SNTB2: variants seen among roughly 807,000 people sequenced by gnomAD.
The protein encoded by SNTB2 is beta-2-syntrophin.
SNTB2 carries 34 observed loss-of-function variants against 46.2 expected under a neutral mutation model. The ratio of observed to expected loss-of-function variants is 0.74; its 90% CI spans 0.56 to 0.98. The LOEUF (loss-of-function observed/expected upper bound fraction) is 0.98. Among genes scored for constraint, SNTB2 ranks in the 50% least tolerant of loss-of-function variants. The pLI, the probability that SNTB2 is intolerant of heterozygous loss-of-function variation, is 0.00. For synonymous variants in SNTB2, 290 were observed against 312.6 expected, an observed-to-expected ratio of 0.93 and a Z score of 0.76; for missense variants, 603 against 731.4, an observed-to-expected ratio of 0.82 and a Z score of 2.02.
intron 3 of SNTB2, among the ~76,000 whole-genome samples, chr16:69,261,075 G>A (rs1039933761): frequency 1.3e-5 from 2 of 151,970 alleles, no homozygotes; most frequent in Non-Finnish European, 2.9e-5. Context: ...TGGACTAGGG[G>A]GTTCAGAGAT....
chr16:69,290,466 A>C (rs1248110306), intron 5 of SNTB2, among the ~76,000 whole-genome samples: 1 of 152,202 alleles, frequency 6.6e-6, no homozygotes, highest in African/African-American at 2.4e-5. Context: ...AATGAAGAAA[A>C]TCTAGGAGAA....
chr16:69,251,463 T>C (rs924676170), intron 2 of SNTB2, among the ~76,000 whole-genome samples: 1 of 137,150 alleles, frequency 7.3e-6, no homozygotes, highest in Admixed American at 7.4e-5. Flanking sequence ...GGTGCATGTT[T>C]AGTTTAAAAA....
chr16:69,239,464 A>G (rs1404101224), intron 1 of SNTB2, among the ~76,000 whole-genome samples: 1 of 152,170 alleles, frequency 6.6e-6, no homozygotes, highest in Non-Finnish European at 1.5e-5. Context: ...GGTTTCAGAA[A>G]ACTCTGTTGT....
At chr16:69,223,601 T>C (rs1015360165) in intron 1 of SNTB2, among the ~76,000 whole-genome samples, 2 of 152,160 alleles carry the variant, frequency 1.3e-5, no homozygotes, top group African/African-American at 4.8e-5. Flanking sequence ...TTCGTTGTCA[T>C]GTTTCCTTTG....
intron 5 of SNTB2, among the ~76,000 whole-genome samples, chr16:69,295,430 A>C (rs1301879648): frequency 6.6e-6 from 1 of 151,374 alleles, no homozygotes; most frequent in East Asian, 2.0e-4. Flanking sequence ...TTGTATTTTT[A>C]GTAGAGACAG....
chr16:69,247,071 A>T (rs955471663), intron 2 of SNTB2, among the ~76,000 whole-genome samples: 6 of 119,554 alleles, frequency 5.0e-5, no homozygotes, highest in Non-Finnish European at 7.2e-5. Flanking sequence ...TATATATATT[A>T]AAAAAAAAAA....
chr16:69,237,196 G>C (rs898704682), intron 1 of SNTB2, among the ~76,000 whole-genome samples: 39 of 152,130 alleles, frequency 2.6e-4, no homozygotes, highest in African/African-American at 8.9e-4. Flanking sequence ...AAAGTGAGAA[G>C]TGCTAAAATC....
At position 69,273,364 on chromosome 16, in the gene SNTB2, CAT is replaced by C. The variant is rs1220645979; in HGVS notation, c.1148+3082_1148+3083del. ...CAACTGATGAATGGATAAAGTGTGA[CAT>C]ATCCACACAGTGGAATACTATTCTG... On this transcript the variant is annotated intron_variant, in intron 4 of 6. Transcript: ENST00000336278. Among the ~76,000 whole-genome samples, 18 of 152,296 alleles carry C rather than the reference CAT, an allele frequency of 1.2e-4. No homozygotes were observed. The East Asian group carries it at 3.5e-3, about 29-fold the overall frequency.
intron 4 of SNTB2, among the ~76,000 whole-genome samples, chr16:69,281,244 T>G (rs1965039989): frequency 6.6e-6 from 1 of 151,858 alleles, no homozygotes; most frequent in African/African-American, 2.4e-5. Context: ...TTTTTTTTTT[T>G]TTTTGAGACG....
chr16:69,296,661 G>T (rs150397805), intron 5 of SNTB2, among the ~76,000 whole-genome samples: 4,240 of 149,908 alleles, frequency 0.028, 92 homozygotes, highest in Admixed American at 0.043. Flanking sequence ...GACGGAGGTT[G>T]CAGTGAGCCG....
rs1463258129 is a variant in SNTB2, at chr16:69,187,184, G to T, written c.18G>T (p.Ala6=). The part of the protein sequence containing the change: MRVAA[A]TAAAGAGPAM... Reference sequence around the variant, plus strand: ...TGACTGGAATGAGGGTAGCTGCGGCGACTGCGGCGGCTGGAGCGGGGCCGG... The same window carrying T: ...TGACTGGAATGAGGGTAGCTGCGGCTACTGCGGCGGCTGGAGCGGGGCCGG... The change falls in exon 1 of 7, where the codon GCG becomes GCT. Residue 6 remains alanine, a synonymous_variant. Coordinates refer to ENST00000336278, the MANE Select transcript of SNTB2 (RefSeq NM_006750.4). 6.5e-6 allele frequency: 9 copies of T among 1,377,502 alleles called. No homozygotes were observed. Among genetic ancestry groups the T allele is most frequent in the Non-Finnish European group, 8.5e-6 (9 of 1,063,354 alleles). The allele number at this position is 1,377,502 out of a possible 1,614,324, so 85.3% of individuals were successfully genotyped here. A position where few individuals can be genotyped will look rare whatever the true frequency, so the allele number is the denominator to read the frequency against.
In SNTB2 at chr16:69,187,618, C is replaced by G; in HGVS notation, c.452C>G (p.Ala151Gly). The change falls in exon 1 of 7, where the codon GCC becomes GGC. Residue 151 changes from alanine to glycine, a missense_variant. By Grantham distance (60) the Ala-to-Gly change is moderately conservative (BLOSUM62 0). Transcript: ENST00000336278. ...TCCAAGATCTTCCCCGGGCTGGCTG[C>G]CGACCAGAGCCGGGCGCTGCGGCTG... ...LISKIFPGLA[A>G]DQSRALRLGD... The G allele has an allele frequency of 6.4e-7, 1 of 1,556,236 alleles. No homozygotes were observed. Among genetic ancestry groups the G allele is most frequent in the Admixed American group, 1.9e-5 (1 of 51,876 alleles).
chr16:69,292,379 T>TTA lies in SNTB2; in HGVS notation c.1346-7201_1346-7200dup, dbSNP rs1350021125. Among the ~76,000 whole-genome samples, 56 of 30,310 alleles carry TTA rather than the reference T, an allele frequency of 1.8e-3. 10 individuals are homozygous for TTA. Among genetic ancestry groups the TTA allele is most frequent in the African/African-American group, 7.8e-3 (45 of 5,758 alleles). 19.9% of individuals were successfully genotyped at this position (30,310 alleles called of 152,430 possible). A position where few individuals can be genotyped will look rare whatever the true frequency, so the allele number is the denominator to read the frequency against. ...TTATATATATATATATATATATATA[T>TTA]TATATATATATTATATATATATATA... is the stretch of plus-strand genomic sequence containing the variant. On this transcript the variant is annotated intron_variant, in intron 5 of 6. Coordinates refer to ENST00000336278, the MANE Select transcript of SNTB2 (RefSeq NM_006750.4).
chr16:69,228,330 AC>A (rs1225336585), intron 1 of SNTB2, among the ~76,000 whole-genome samples: 19 of 151,892 alleles, frequency 1.3e-4, no homozygotes, highest in African/African-American at 4.6e-4. Context: ...ACATGGTGAA[AC>A]CCCATCTCTA....
intron 2 of SNTB2, among the ~76,000 whole-genome samples, chr16:69,252,511 G>C (rs949152270): frequency 6.6e-6 from 1 of 152,210 alleles, no homozygotes; most frequent in East Asian, 1.9e-4. Context: ...TTGGTTCACA[G>C]TGCCTCAGTC....
chr16:69,205,577 C>T (rs1395266080), intron 1 of SNTB2, among the ~76,000 whole-genome samples: 1 of 152,106 alleles, frequency 6.6e-6, no homozygotes, highest in Non-Finnish European at 1.5e-5. Flanking sequence ...TAGTTTCTTT[C>T]CTTCCCTCTC....
At chr16:69,254,821 T>A (rs921538227) in intron 2 of SNTB2, among the ~76,000 whole-genome samples, 1 of 151,850 alleles carries the variant, frequency 6.6e-6, no homozygotes, top group Non-Finnish European at 1.5e-5. Context: ...TACAAAAAAT[T>A]TTTTTTTAAA....
chr16:69,258,220 T>G (rs1362739672), intron 2 of SNTB2, among the ~76,000 whole-genome samples: 1 of 152,196 alleles, frequency 6.6e-6, no homozygotes, highest in African/African-American at 2.4e-5. Flanking sequence ...ATTTGTAGCC[T>G]ACCATGAAAA....
chr16:69,296,833 C>T (rs1965230830), intron 5 of SNTB2, among the ~76,000 whole-genome samples: 1 of 151,538 alleles, frequency 6.6e-6, no homozygotes, highest in Non-Finnish European at 1.5e-5. Context: ...ATAGTGAAAT[C>T]CCTGTCTCTA....
Sources: gnomAD v4.1 joint callset for allele counts (sites outside exome capture counted in the v4.1 genomes callset) on GRCh38, gnomAD v4.1.1 for gene constraint, MANE v1.5 for transcripts, NCBI Gene and HGNC (gene_info 2026-07-23, HGNC 2026-07-21) for gene names.